ALG13: variants seen among roughly 807,000 people sequenced by gnomAD.
ALG13 encodes the protein ALG13 UDP-N-acetylglucosaminyltransferase subunit, also known as UDP-N-acetylglucosamine transferase subunit ALG13.
A neutral mutation model predicts 87.8 loss-of-function variants in ALG13; 11 were observed. The ratio of observed to expected loss-of-function variants is 0.13; its 90% CI spans 0.08 to 0.21. The LOEUF is 0.21. Ranked by LOEUF, ALG13 falls within the 10% of genes least tolerant of loss-of-function variation. ALG13 has a pLI of 1.00. For missense variants in ALG13, 756 were observed against 866.1 expected, an observed-to-expected ratio of 0.87 and a Z score of 1.60; for synonymous variants, 320 against 306.3, an observed-to-expected ratio of 1.04 and a Z score of -0.47.
intron 3 of ALG13, among the ~76,000 whole-genome samples, chrX:111,699,394 G>C (rs1569514010): frequency 9.0e-6 from 1 of 111,346 alleles, no homozygotes; most frequent in East Asian, 2.8e-4. Context: ...TTAGTTTGGT[G>C]CCATACCATT....
chrX:111,757,897 T>A, intron 26 of ALG13, 135 bp downstream of exon 26: 2 of 588,205 alleles, frequency 3.4e-6, no homozygotes, highest in Non-Finnish European at 5.3e-6. Context: ...GTGGACCTCT[T>A]GTGGTCCCTA....
intron 23 of ALG13, among the ~76,000 whole-genome samples, chrX:111,743,014 G>A (rs1156774650): frequency 2.7e-5 from 3 of 111,908 alleles, no homozygotes; most frequent in Non-Finnish European, 5.6e-5. Flanking sequence ...CTTTTACTTA[G>A]AGGGTTTATT....
chrX:111,753,540 A>T (rs1430884839), intron 25 of ALG13, among the ~76,000 whole-genome samples: 1 of 112,030 alleles, frequency 8.9e-6, no homozygotes, highest in African/African-American at 3.2e-5. Flanking sequence ...AAATAGATAG[A>T]CCATTAGCCA....
intron 3 of ALG13, among the ~76,000 whole-genome samples, chrX:111,701,539 G>A (rs1011016733): frequency 7.1e-5 from 8 of 111,993 alleles, no homozygotes; most frequent in African/African-American, 2.6e-4. Flanking sequence ...TGTGATAACA[G>A]TTGTAATGTC....
intron 3 of ALG13, among the ~76,000 whole-genome samples, chrX:111,698,715 G>A (rs2147890338): frequency 8.9e-6 from 1 of 111,900 alleles, no homozygotes; most frequent in East Asian, 2.8e-4. Flanking sequence ...ACACTGAATA[G>A]CATTCCATTT....
At chrX:111,731,085 A>T (rs1289553753) in intron 21 of ALG13, among the ~76,000 whole-genome samples, 3 of 112,141 alleles carry the variant, frequency 2.7e-5, no homozygotes, top group African/African-American at 9.7e-5. Flanking sequence ...TGGAAGGCAA[A>T]AAGAAACATG....
At chrX:111,749,132 C>T (rs1478637934) in intron 24 of ALG13, among the ~76,000 whole-genome samples, 2 of 111,356 alleles carry the variant, frequency 1.8e-5, no homozygotes, top group Admixed American at 9.5e-5. Flanking sequence ...CCTTATTTGT[C>T]TTACTCCAAA....
chrX:111,729,490 G>C (rs370808215), intron 19 of ALG13, among the ~76,000 whole-genome samples: 7 of 111,661 alleles, frequency 6.3e-5, no homozygotes, highest in African/African-American at 2.3e-4. Context: ...GCATGCGTGT[G>C]CTTAAGGACA....
intron 24 of ALG13, among the ~76,000 whole-genome samples, chrX:111,747,915 C>T (rs1944389547): frequency 8.9e-6 from 1 of 112,512 alleles, no homozygotes. Flanking sequence ...GCATTCCCAC[C>T]AGCAATGAAT....
At position 111,719,866 on chromosome X, in the gene ALG13, A is replaced by G. The variant is rs188068217; in HGVS notation, c.1251-229A>G. The stretch of plus-strand genomic sequence containing the variant: ...AGGCAGGGATCATAGGGATCACCCT[A>G]AGAGTGTGTTCTCACAGGAGTTGTA... On this transcript the variant is annotated intron_variant, in intron 10 of 26. Coordinates refer to ENST00000394780, the MANE Select transcript of ALG13 (RefSeq NM_001099922.3). Among the ~76,000 whole-genome samples the G allele has an allele frequency of 2.6e-3, 290 of 112,292 alleles. 2 individuals are homozygous for G. The highest frequency in any genetic ancestry group is 8.0e-3 in the Admixed American group (85 of 10,633).
chrX:111,701,265 A>G (rs960614649), intron 3 of ALG13, among the ~76,000 whole-genome samples: 3 of 111,972 alleles, frequency 2.7e-5, no homozygotes, highest in African/African-American at 9.8e-5. Context: ...CAGTTTTTTG[A>G]AAGAGCTTAA....
chrX:111,689,270 C>T, intron 3 of ALG13: 1 of 749,995 alleles, frequency 1.3e-6, no homozygotes, highest in Non-Finnish European at 1.6e-6. Context: ...TAGGAAAGGT[C>T]CTATTCAAAT....
At chrX:111,748,465 A>G (rs558091539) in intron 24 of ALG13, among the ~76,000 whole-genome samples, 21 of 111,977 alleles carry the variant, frequency 1.9e-4, no homozygotes, top group East Asian at 5.6e-4. Flanking sequence ...TTTGTGAAGT[A>G]TGTAAAGTGT....
chrX:111,751,990 T>C (rs1371651138), intron 24 of ALG13, among the ~76,000 whole-genome samples: 1 of 111,876 alleles, frequency 8.9e-6, no homozygotes, highest in East Asian at 2.8e-4. Context: ...GGAGTTCTGG[T>C]GGTGGTATGT....
At chrX:111,712,018 G>T (rs758412371) in intron 6 of ALG13, among the ~76,000 whole-genome samples, 1 of 111,882 alleles carries the variant, frequency 8.9e-6, no homozygotes, top group African/African-American at 3.2e-5. Context: ...GAGGAGGGTG[G>T]TAATGAATTT....
chrX:111,737,051 AT>A, intron 23 of ALG13, 172 bp downstream of exon 23: 1 of 397,869 alleles, frequency 2.5e-6, no homozygotes, highest in East Asian at 4.6e-5. Context: ...AGAGTCAGGG[AT>A]TCAAGTTTAT....
chrX:111,738,919 G>C (rs1172506761), intron 23 of ALG13, among the ~76,000 whole-genome samples: 1 of 108,379 alleles, frequency 9.2e-6, no homozygotes, highest in Admixed American at 9.9e-5. Flanking sequence ...ATTTAAAAGC[G>C]ACATATTTGA....
At chrX:111,713,984 A>G (rs987006753) in intron 8 of ALG13, among the ~76,000 whole-genome samples, 3 of 111,908 alleles carry the variant, frequency 2.7e-5, no homozygotes, top group African/African-American at 9.7e-5. Flanking sequence ...TTTGAGTTCT[A>G]TATGTCTTAT....
intron 26 of ALG13, among the ~76,000 whole-genome samples, chrX:111,759,084 GT>G (rs773164190): frequency 3.6e-4 from 39 of 107,396 alleles, no homozygotes; most frequent in Admixed American, 1.1e-3. Context: ...TTTAATTGTA[GT>G]TAACTATGAG....
Sources: gnomAD v4.1 joint callset for allele counts (sites outside exome capture counted in the v4.1 genomes callset) on GRCh38, gnomAD v4.1.1 for gene constraint, MANE v1.5 for transcripts, NCBI Gene and HGNC (gene_info 2026-07-23, HGNC 2026-07-21) for gene names.